ZSWIM5: variants seen among roughly 807,000 people sequenced by gnomAD.
ZSWIM5 encodes the protein zinc finger SWIM domain-containing protein 5.
ZSWIM5 carries 55 observed loss-of-function variants against 119.6 expected under a neutral mutation model. That is an observed-to-expected ratio of 0.46 (90% CI 0.37 to 0.58). ZSWIM5 has a LOEUF of 0.58. ZSWIM5 is among the 20% of genes least tolerant of loss of function. The pLI is 0.00. For missense variants in ZSWIM5, 1,193 were observed against 1,512.8 expected (o/e 0.79, Z 3.51); for synonymous variants, 537 against 606.9 (o/e 0.88, Z 1.69).
At chr1:45,170,624 T>C (rs900064673) in intron 1 of ZSWIM5, among the ~76,000 whole-genome samples, 4 of 151,168 alleles carry the variant, frequency 2.6e-5, no homozygotes, top group Non-Finnish European at 5.9e-5. Context: ...AGACAGAGTC[T>C]CGCTATGTTG....
At chr1:45,121,626 G>C (rs1181988411) in intron 1 of ZSWIM5, among the ~76,000 whole-genome samples, 1 of 142,136 alleles carries the variant, frequency 7.0e-6, no homozygotes, top group African/African-American at 2.7e-5. Flanking sequence ...TTTTGAGACA[G>C]GGTCTTGCTG....
At chr1:45,104,560 A>G (rs1257178822) in intron 1 of ZSWIM5, among the ~76,000 whole-genome samples, 1 of 152,222 alleles carries the variant, frequency 6.6e-6, no homozygotes, top group Non-Finnish European at 1.5e-5. Context: ...AGTTCACAAG[A>G]AGCAGATGGT....
chr1:45,049,819 C>CA (rs1317769750), intron 5 of ZSWIM5, among the ~76,000 whole-genome samples: 9 of 151,984 alleles, frequency 5.9e-5, no homozygotes, highest in Admixed American at 1.3e-4. Context: ...TGTTTGTATG[C>CA]ATTTGACCCT....
rs114639617 is a variant in ZSWIM5 at position 45,097,341 on chromosome 1, A to C, written c.596-9104T>G. 4.5e-3 allele frequency among the ~76,000 whole-genome samples: 685 copies of C among 152,310 alleles called. 8 individuals are homozygous for C. Among genetic ancestry groups the C allele is most frequent in the African/African-American group, 0.016 (646 of 41,568 alleles). On this transcript the variant is annotated intron_variant, in intron 1 of 13. Coordinates refer to ENST00000359600, the MANE Select transcript of ZSWIM5 (RefSeq NM_020883.2). Reference sequence around the variant, plus strand: ...TCCCCTCTCCAAATAAGGAAATTCTATGTTCTTCATGGCTTAGCTCAAATA... The same window carrying C: ...TCCCCTCTCCAAATAAGGAAATTCTCTGTTCTTCATGGCTTAGCTCAAATA...
At chr1:45,050,690 T>C (rs896627958) in intron 5 of ZSWIM5, among the ~76,000 whole-genome samples, 1 of 152,196 alleles carries the variant, frequency 6.6e-6, no homozygotes, top group Non-Finnish European at 1.5e-5. Context: ...GGACACTTTT[T>C]AAAATTGCTT....
intron 1 of ZSWIM5, among the ~76,000 whole-genome samples, chr1:45,136,144 A>T (rs1045862226): frequency 3.9e-5 from 6 of 152,074 alleles, no homozygotes; most frequent in Non-Finnish European, 7.4e-5. Flanking sequence ...TACAGGCGTG[A>T]GCCACTGTGC....
rs369060242 is a variant in ZSWIM5 at position 45,101,850 on chromosome 1, T to C, written c.596-13613A>G. ...GTGGGAGTTGAACAATGAGAACACC[T>C]GTACACAGGGCGGGGAACATCATAT... On this transcript the variant is annotated intron_variant, in intron 1 of 13. Coordinates refer to ENST00000359600, the MANE Select transcript of ZSWIM5 (RefSeq NM_020883.2). Among the ~76,000 whole-genome samples, 152 of 152,212 alleles carry C rather than the reference T, an allele frequency of 1.0e-3. 3 individuals are homozygous for C. Among genetic ancestry groups the C allele is most frequent in the Middle Eastern group, 6.8e-3 (2 of 294 alleles).
chr1:45,135,422 T>C (rs571698513), intron 1 of ZSWIM5, among the ~76,000 whole-genome samples: 1 of 152,362 alleles, frequency 6.6e-6, no homozygotes, highest in East Asian at 1.9e-4. Context: ...GTTATGTGTT[T>C]TGTCTTAAAA....
At chr1:45,058,828 G>T in intron 3 of ZSWIM5, 69 bp from the exon 4 acceptor site, 1 of 1,572,800 alleles carries the variant, frequency 6.4e-7, no homozygotes, top group Non-Finnish European at 8.7e-7. Flanking sequence ...GAAGGAAGTG[G>T]GGGAGGGGGA....
At chr1:45,180,858 C>T (rs1423434238) in intron 1 of ZSWIM5, among the ~76,000 whole-genome samples, 2 of 152,116 alleles carry the variant, frequency 1.3e-5, no homozygotes, top group African/African-American at 2.4e-5. Context: ...CTCCAACAGA[C>T]CTGCAGCTGA....
intron 1 of ZSWIM5, among the ~76,000 whole-genome samples, chr1:45,156,696 C>A (rs1645828768): frequency 6.8e-6 from 1 of 147,108 alleles, no homozygotes; most frequent in East Asian, 2.0e-4. Flanking sequence ...GAACGTACTG[C>A]ATATGTCGGG....
At chr1:45,085,531 T>G (rs1360540736) in intron 2 of ZSWIM5, among the ~76,000 whole-genome samples, 3 of 148,178 alleles carry the variant, frequency 2.0e-5, no homozygotes, top group Non-Finnish European at 3.0e-5. Flanking sequence ...TTTGTTTGTT[T>G]TTTTTTTTTT....
In ZSWIM5 at chr1:45,060,251, T is replaced by C; in HGVS notation, c.953-4A>G. 6.2e-7 allele frequency: 1 copy of C among 1,613,286 alleles called. No homozygotes were observed. The highest frequency in any genetic ancestry group is 8.5e-7 in the Non-Finnish European group (1 of 1,179,860). On this transcript the variant is annotated splice_polypyrimidine_tract_variant and splice_region_variant and intron_variant, in intron 2 of 13. Transcript: ENST00000359600. ...CCAGCTGTGGGGTCAGGGGCACCTA[T>C]GAAGAATGAGAACAGTGAAATGAAT...
At position 45,058,613 on chromosome 1, in the gene ZSWIM5, C is replaced by T; in HGVS notation, c.1248G>A (p.Glu416=). The T allele has an allele frequency of 1.2e-6, 2 of 1,614,196 alleles. No homozygotes were observed. The highest frequency in any genetic ancestry group is 1.7e-5 in the Admixed American group (1 of 60,030). Residue 416 remains glutamate (E), a synonymous_variant, in exon 4 of 14, where the codon GAG becomes GAA. Coordinates refer to ENST00000359600, the MANE Select transcript of ZSWIM5 (RefSeq NM_020883.2). The part of the protein sequence containing the change: ...MTDKCRQLWD[E]LGALWVCIIL... ...CTCTGAATGATGGGAACTTACCTAG[C>T]TCATCCCAGAGCTGCCTGCACTTGT...
intron 1 of ZSWIM5, among the ~76,000 whole-genome samples, chr1:45,098,053 G>A (rs1235310934): frequency 1.3e-5 from 2 of 152,174 alleles, no homozygotes; most frequent in African/African-American, 4.8e-5. Flanking sequence ...ATGGAGAATG[G>A]CAGAGTAGTG....
chr1:45,024,762 C>T (rs910305937), intron 11 of ZSWIM5, among the ~76,000 whole-genome samples: 5 of 152,142 alleles, frequency 3.3e-5, no homozygotes, highest in African/African-American at 9.7e-5. Flanking sequence ...TAAAGATATT[C>T]TCCTGTCTCA....
At chr1:45,196,335 A>C (rs1234403118) in intron 1 of ZSWIM5, among the ~76,000 whole-genome samples, 1 of 144,928 alleles carries the variant, frequency 6.9e-6, no homozygotes, top group African/African-American at 2.5e-5. Flanking sequence ...TTTTTTTTTA[A>C]TCTCCCTAGG....
At chr1:45,161,071 T>C (rs113464003) in intron 1 of ZSWIM5, among the ~76,000 whole-genome samples, 2,070 of 150,440 alleles carry the variant, frequency 0.014, 60 homozygotes, top group African/African-American at 0.049. Context: ...TGATCCTCCT[T>C]CCTCGGCCTC....
At chr1:45,123,291 A>G (rs557313702) in intron 1 of ZSWIM5, among the ~76,000 whole-genome samples, 52 of 152,334 alleles carry the variant, frequency 3.4e-4, no homozygotes, top group Non-Finnish European at 7.1e-4. Flanking sequence ...CACCAAAGTG[A>G]CAGGGATATA....
Sources: allele counts gnomAD v4.1 joint callset (sites outside exome capture counted in the v4.1 genomes callset), GRCh38; gene constraint gnomAD v4.1.1; transcripts MANE v1.5; gene names NCBI Gene and HGNC (gene_info 2026-07-23, HGNC 2026-07-21).